RPL23A: variants seen among roughly 807,000 people sequenced by gnomAD.
RPL23A encodes the protein large ribosomal subunit protein uL23.
In RPL23A, 2 loss-of-function variants were observed where a neutral mutation model predicts 17.6. The ratio of observed to expected loss-of-function variants is 0.11; its 90% CI spans 0.05 to 0.36. The LOEUF (loss-of-function observed/expected upper bound fraction) is 0.36. Among genes scored for constraint, RPL23A ranks in the 10% least tolerant of loss-of-function variants. RPL23A has a pLI of 1.00. For missense variants in RPL23A, 132 were observed against 194.4 expected (o/e 0.68, Z 1.91); for synonymous variants, 65 against 74.3 (o/e 0.87, Z 0.65).
At chr17:28,720,684 C>T in intron 1 of RPL23A, 23 bp from the exon 2 acceptor site, 2 of 1,613,764 alleles carry the variant, frequency 1.2e-6, no homozygotes, top group Non-Finnish European at 1.7e-6. Context: ...CCCGCACCCA[C>T]GTTTTCTTTC....
Position 28,720,291 on chromosome 17 carries a change from C to T in RPL23A, c.25+261C>T, listed in dbSNP as rs537101000. 10 of 1,549,556 alleles carry T rather than the reference C, an allele frequency of 6.5e-6. No individual in the cohort carries two copies. In the Admixed American group the frequency reaches 7.8e-5, roughly 12 times the overall value. Reference sequence around the variant, plus strand: ...CCAGACATTCGGTTCTGGGAAGCTACATGCATCCACTGGTTGGAGCTCCAT... The same window carrying T: ...CCAGACATTCGGTTCTGGGAAGCTATATGCATCCACTGGTTGGAGCTCCAT... On this transcript the variant is annotated intron_variant, in intron 1 of 4. Transcript: ENST00000422514.
Position 28,720,380 on chromosome 17 carries a change from A to G in RPL23A, c.26-327A>G, listed in dbSNP as rs867414618. ...ACCATTTTCCTTCTGGTTCATGTTC[A>G]ACCGGGCTACATTACCCGCCCCTCT... On this transcript the variant is annotated intron_variant, in intron 1 of 4. Coordinates refer to ENST00000422514, the MANE Select transcript of RPL23A (RefSeq NM_000984.6). The G allele has an allele frequency of 3.8e-6, 6 of 1,569,252 alleles. No homozygotes were observed. In the African/African-American group the frequency reaches 8.1e-5, roughly 21 times the overall value.
chr17:28,720,018 G>A lies in RPL23A; in HGVS notation c.13G>A (p.Ala5Thr), dbSNP rs1306998733. The A allele has an allele frequency of 2.6e-6, 4 of 1,551,958 alleles. No homozygotes were observed. Among genetic ancestry groups the A allele is most frequent in the South Asian group, 1.2e-5 (1 of 84,056 alleles). MAPK[A>T]KKEAPAPPKA... is the part of the protein sequence containing the mutation. ...CCCTTTTCACAAGATGGCGCCGAAA[G>A]CGAAGAAGGAAGGTGTGTGTTGGTG... is the stretch of plus-strand genomic sequence containing the variant. The change falls in exon 1 of 5, where the codon GCG becomes ACG. Residue 5 changes from alanine (A) to threonine (T), a missense_variant. This residue lies in a region of RPL23A where 63 missense variants were observed against 48.9 expected (regional missense o/e 1.29). Coordinates refer to ENST00000422514, the MANE Select transcript of RPL23A (RefSeq NM_000984.6).
Position 28,724,294 on chromosome 17 carries a change from T to G in RPL23A, c.*413T>G. ...TTTGTCCTCACACACCCATCTACTA[T>G]GTCCAACCGGTCTGTCTGCTTCCCT... is the stretch of plus-strand genomic sequence containing the variant. On this transcript the variant is annotated 3_prime_UTR_variant, in exon 5 of 5. Coordinates refer to ENST00000422514, the MANE Select transcript of RPL23A (RefSeq NM_000984.6). 1 of 661,454 alleles carries G rather than the reference T, an allele frequency of 1.5e-6. No individual in the cohort carries two copies. Among genetic ancestry groups the G allele is most frequent in the Admixed American group, 2.6e-5 (1 of 37,780 alleles). 41.0% of individuals were successfully genotyped at this position (661,454 alleles called of 1,614,324 possible). A position where few individuals can be genotyped will look rare whatever the true frequency, so the allele number is the denominator to read the frequency against.
chr17:28,721,958 G>C (rs534813353), intron 2 of RPL23A: 1 of 152,086 alleles, frequency 6.6e-6, no homozygotes, highest in Admixed American at 6.6e-5. Context: ...GAATTTGCTC[G>C]TGGCTGGCCG....
intron 3 of RPL23A, 40 bp from the exon 4 acceptor site, chr17:28,723,531 G>A (rs1197299487): frequency 2.7e-6 from 4 of 1,482,220 alleles, no homozygotes; most frequent in African/African-American, 1.4e-5. Flanking sequence ...TGTGGGGGCA[G>A]TGAGGGTGGC....
chr17:28,723,747 C>T (rs1389489003), intron 4 of RPL23A, 107 bp downstream of exon 4: 2 of 1,351,920 alleles, frequency 1.5e-6, no homozygotes, highest in Non-Finnish European at 1.1e-6. Context: ...AATTAACTGA[C>T]TGCACCCCTA....
At chr17:28,722,262 A>G (rs1036310560) in intron 2 of RPL23A, 1 of 220,060 alleles carries the variant, frequency 4.5e-6, no homozygotes, top group African/African-American at 2.3e-5. Flanking sequence ...AAAAAAAAAA[A>G]AGGAATTTGC....
At chr17:28,723,201 T>TGTGAGCC (rs966593534) in intron 3 of RPL23A, 6 of 526,734 alleles carry the variant, frequency 1.1e-5, no homozygotes, top group African/African-American at 9.6e-5. Flanking sequence ...TAGCAGTGTG[T>TGTGAGCC]GTGAGCCTTG....
At chr17:28,722,579 C>T (rs753923340) in intron 2 of RPL23A, 144 bp from the exon 3 acceptor site, 18 of 793,688 alleles carry the variant, frequency 2.3e-5, no homozygotes, top group Non-Finnish European at 3.7e-5. Flanking sequence ...CCTTAGATTT[C>T]AGGGTGCAGA....
chr17:28,721,244 C>T (rs2034109422), intron 2 of RPL23A: 1 of 219,616 alleles, frequency 4.6e-6, no homozygotes, highest in South Asian at 5.8e-5. Flanking sequence ...CCCAGCTACT[C>T]GCGGGAGGCT....
rs971863796 is a variant in RPL23A, at chr17:28,724,306, C to T, written c.*425C>T. The T allele has an allele frequency of 1.4e-5, 10 of 708,426 alleles. No individual in the cohort carries two copies. The highest frequency in any genetic ancestry group is 2.4e-5 in the Non-Finnish European group (10 of 419,622). The allele number at this position is 708,426 out of a possible 1,614,324, so 43.9% of individuals were successfully genotyped here. ...CACCCATCTACTATGTCCAACCGGT[C>T]TGTCTGCTTCCCTCACCCCTTGCCC... On this transcript the variant is annotated 3_prime_UTR_variant, in exon 5 of 5. Coordinates refer to ENST00000422514, the MANE Select transcript of RPL23A (RefSeq NM_000984.6).
chr17:28,724,125 A>G lies in RPL23A; in HGVS notation c.*244A>G. On this transcript the variant is annotated 3_prime_UTR_variant, in exon 5 of 5. Coordinates refer to ENST00000422514, the MANE Select transcript of RPL23A (RefSeq NM_000984.6). ...TGTCCTAGGAAAACCAGAACTCAGA[A>G]CTTGCCTCCATGGTTGAGTAACAAG... 2.0e-6 allele frequency: 1 copy of G among 511,096 alleles called. No individual in the cohort carries two copies. Among genetic ancestry groups the G allele is most frequent in the South Asian group, 3.3e-5 (1 of 30,020 alleles). The allele number at this position is 511,096 out of a possible 1,614,324, so 31.7% of individuals were successfully genotyped here. A position where few individuals can be genotyped will look rare whatever the true frequency, so the allele number is the denominator to read the frequency against.
intron 1 of RPL23A, 193 bp downstream of exon 1, chr17:28,720,223 G>GT (rs1211630665): frequency 2.0e-6 from 3 of 1,533,110 alleles, no homozygotes; most frequent in African/African-American, 2.8e-5. Flanking sequence ...GGTAGAGGGA[G>GT]TTGGGGGGGG....
intron 3 of RPL23A, among the ~76,000 whole-genome samples, 163 bp downstream of exon 3, chr17:28,723,062 C>G (rs945176214): frequency 6.6e-6 from 1 of 151,316 alleles, no homozygotes; most frequent in Non-Finnish European, 1.5e-5. Context: ...CAGGAATCAC[C>G]CATGATTGCC....
Position 28,720,049 on chromosome 17 carries a change from G to C in RPL23A, c.25+19G>C. 4 of 1,551,338 alleles carry C rather than the reference G, an allele frequency of 2.6e-6. No individual in the cohort carries two copies. Among genetic ancestry groups the C allele is most frequent in the Non-Finnish European group, 3.5e-6 (4 of 1,146,998 alleles). ...AAGGAAGGTGTGTGTTGGTGATGGG[G>C]CCGCAGCTGGTTTACCGGGGATTGC... On this transcript the variant is annotated intron_variant, in intron 1 of 4. Transcript: ENST00000422514.
At chr17:28,721,144 G>T in intron 2 of RPL23A, 1 of 380,578 alleles carries the variant, frequency 2.6e-6, no homozygotes, top group Non-Finnish European at 5.0e-6. Context: ...CTTGAGGTCA[G>T]GGGTTCGAGA....
At chr17:28,720,473 C>G in intron 1 of RPL23A, 3 of 1,601,352 alleles carry the variant, frequency 1.9e-6, no homozygotes, top group Non-Finnish European at 2.6e-6. Flanking sequence ...AAGTATCAAG[C>G]GTTCATTCAG....
intron 2 of RPL23A, 167 bp downstream of exon 2, chr17:28,721,057 G>T: frequency 1.5e-6 from 1 of 668,996 alleles, no homozygotes; most frequent in Admixed American, 2.9e-5. Flanking sequence ...AAAACTGGCA[G>T]GATCAGCCCA....
Sources: gnomAD v4.1 joint callset for allele counts (sites outside exome capture counted in the v4.1 genomes callset) on GRCh38, gnomAD v4.1.1 for gene constraint, gnomAD v4.1.1 regional missense constraint, MANE v1.5 for transcripts, NCBI Gene and HGNC (gene_info 2026-07-23, HGNC 2026-07-21) for gene names.